Variants in WSB1 observed in about 807,000 individuals in gnomAD.
The protein encoded by WSB1 is WD repeat and SOCS box containing 1, also known as WD repeat and SOCS box-containing protein 1.
A neutral mutation model predicts 50.2 loss-of-function variants in WSB1; 23 were observed. The observed-to-expected ratio is 0.46, with a 90% CI of 0.33 to 0.65. WSB1 has a LOEUF of 0.65. Ranked by LOEUF, WSB1 falls within the 30% of genes least tolerant of loss-of-function variation. The probability of loss-of-function intolerance (pLI) is 0.02; values close to 1 mark genes in which losing one functional copy is unlikely to be tolerated. For missense variants in WSB1, 492 were observed against 522.3 expected (o/e 0.94, Z 0.56); for synonymous variants, 179 against 172.0 (o/e 1.04, Z -0.32).
intron 1 of WSB1, 142 bp downstream of exon 1, chr17:27,294,577 G>T: frequency 8.2e-7 from 1 of 1,215,824 alleles, no homozygotes. Flanking sequence ...GGAGGAGGAA[G>T]CCGCCTCGGT....
At position 27,306,200 on chromosome 17, in the gene WSB1, G is replaced by C. The variant is rs983278214; in HGVS notation, c.611-582G>C. Among the ~76,000 whole-genome samples the C allele has an allele frequency of 2.9e-3, 285 of 98,184 alleles. 2 individuals are homozygous for C. The highest frequency in any genetic ancestry group is 0.011 in the African/African-American group (274 of 25,970). The allele number at this position is 98,184 out of a possible 152,430, so 64.4% of individuals were successfully genotyped here. ...AAGGGGATTGGACTAAAAGAATTCT[G>C]TCTTTTTTTTTTTTTTTTTTTTTTT... On this transcript the variant is annotated intron_variant, in intron 4 of 8. Transcript: ENST00000262394.
At chr17:27,308,311 G>T in intron 5 of WSB1, 3 of 985,746 alleles carry the variant, frequency 3.0e-6, no homozygotes, top group Non-Finnish European at 3.6e-6. Flanking sequence ...GTAAACATTA[G>T]AATCCTGTTT....
At chr17:27,306,690 ATGTT>A in intron 4 of WSB1, 88 bp from the exon 5 acceptor site, 1 of 1,268,128 alleles carries the variant, frequency 7.9e-7, no homozygotes, top group Non-Finnish European at 1.1e-6. Flanking sequence ...TCAGCTATAA[ATGTT>A]TGTGATCCTT....
In WSB1 at chr17:27,307,704, CTG is replaced by C. The variant is rs1207124932; in HGVS notation, c.711+828_711+829del. ...TAGATGTTGACATTGCTATTTTAGG[CTG>C]TGTGTTTTCCATATGCTTCTTGCTT... On this transcript the variant is annotated intron_variant, in intron 5 of 8. Transcript: ENST00000262394. 3.9e-6 allele frequency: 6 copies of C among 1,527,792 alleles called. No homozygotes were observed. In the Admixed American group the frequency reaches 1.0e-4, roughly 26 times the overall value. The allele number at this position is 1,527,792 out of a possible 1,614,324, so 94.6% of individuals were successfully genotyped here. A position where few individuals can be genotyped will look rare whatever the true frequency, so the allele number is the denominator to read the frequency against.
At chr17:27,296,123 C>T (rs549035245) in intron 1 of WSB1, among the ~76,000 whole-genome samples, 107 of 152,202 alleles carry the variant, frequency 7.0e-4, no homozygotes, top group African/African-American at 2.6e-3. Flanking sequence ...GTGAGCCACC[C>T]CGCCCAGATT....
chr17:27,300,478 A>G (rs1382354625), intron 1 of WSB1, among the ~76,000 whole-genome samples: 1 of 152,176 alleles, frequency 6.6e-6, no homozygotes, highest in Non-Finnish European at 1.5e-5. Flanking sequence ...CTTTTTGTTA[A>G]ATATGGAAGT....
At chr17:27,296,522 G>A (rs900857773) in intron 1 of WSB1, among the ~76,000 whole-genome samples, 1 of 152,190 alleles carries the variant, frequency 6.6e-6, no homozygotes, top group African/African-American at 2.4e-5. Context: ...AGGACATACG[G>A]AGAGTAGAGG....
rs1016777002 is a variant in WSB1 at position 27,315,464 on chromosome 17, A to C, written c.*3095A>C. On this transcript the variant is annotated 3_prime_UTR_variant, in exon 9 of 9. Transcript: ENST00000262394. ...TTCCTGCCTGCTGTGACTGTGATGC[A>C]GTTGGATTCAACTGGTTTACACTGC... The C allele has an allele frequency of 6.6e-6, 1 of 152,258 alleles. No homozygotes were observed. Among genetic ancestry groups the C allele is most frequent in the Admixed American group, 6.5e-5 (1 of 15,290 alleles). The allele number at this position is 152,258 out of a possible 1,614,324, so 9.4% of individuals were successfully genotyped here. A position where few individuals can be genotyped will look rare whatever the true frequency, so the allele number is the denominator to read the frequency against.
At chr17:27,311,015 T>G (rs959788239) in intron 7 of WSB1, among the ~76,000 whole-genome samples, 3 of 152,110 alleles carry the variant, frequency 2.0e-5, no homozygotes, top group African/African-American at 7.2e-5. Context: ...CTGGCTAGTT[T>G]TTTTAAAAAA....
chr17:27,299,362 T>C (rs1340436930), intron 1 of WSB1, among the ~76,000 whole-genome samples: 4 of 152,076 alleles, frequency 2.6e-5, no homozygotes, highest in African/African-American at 7.2e-5. Context: ...AATAAAAACA[T>C]TAACCGGGTG....
At chr17:27,296,912 G>C (rs1455959240) in intron 1 of WSB1, among the ~76,000 whole-genome samples, 1 of 152,116 alleles carries the variant, frequency 6.6e-6, no homozygotes, top group South Asian at 2.1e-4. Flanking sequence ...AATTGTACCA[G>C]TATTTAATCT....
chr17:27,307,561 G>C (rs553133541), intron 5 of WSB1: 7 of 594,192 alleles, frequency 1.2e-5, no homozygotes, highest in African/African-American at 1.1e-4. Context: ...AGGGTGGGAG[G>C]CTAGTTGAAA....
chr17:27,297,775 AT>A (rs748127724), intron 1 of WSB1, among the ~76,000 whole-genome samples: 3 of 152,070 alleles, frequency 2.0e-5, no homozygotes, highest in Non-Finnish European at 1.5e-5. Context: ...GAGTTCCATG[AT>A]TGTGGTCAAG....
chr17:27,299,338 C>T (rs2017124650), intron 1 of WSB1, among the ~76,000 whole-genome samples: 1 of 152,032 alleles, frequency 6.6e-6, no homozygotes, highest in Non-Finnish European at 1.5e-5. Context: ...AAAAGGAACA[C>T]CTACCTTTAC....
intron 1 of WSB1, among the ~76,000 whole-genome samples, chr17:27,296,016 T>G (rs2150825500): frequency 6.6e-6 from 1 of 152,272 alleles, no homozygotes; most frequent in Non-Finnish European, 1.5e-5. Context: ...GTGTTTTTAG[T>G]AGAGATGGGG....
chr17:27,294,230 G>A lies in WSB1; in HGVS notation c.-166G>A. The A allele has an allele frequency of 3.5e-6, 3 of 865,780 alleles. No individual in the cohort carries two copies. The highest frequency in any genetic ancestry group is 5.3e-6 in the Non-Finnish European group (3 of 563,804). 53.6% of individuals were successfully genotyped at this position (865,780 alleles called of 1,614,324 possible). A position where few individuals can be genotyped will look rare whatever the true frequency, so the allele number is the denominator to read the frequency against. On this transcript the variant is annotated 5_prime_UTR_variant, in exon 1 of 9. Coordinates refer to ENST00000262394, the MANE Select transcript of WSB1 (RefSeq NM_015626.10). ...GTACTTTGGTCTGAGGCCTTCGGGA[G>A]CTTTCCCGAGGCAGTTAGCAGAAGC...
At chr17:27,307,965 C>CT in intron 5 of WSB1, 1 of 1,250,974 alleles carries the variant, frequency 8.0e-7, no homozygotes, top group Admixed American at 4.0e-5. Context: ...TTCTTTTTTT[C>CT]TTTTTTAAAG....
chr17:27,301,897 T>G lies in WSB1; in HGVS notation c.150T>G (p.Ala50=), dbSNP rs1430267514. 3 of 1,613,642 alleles carry G rather than the reference T, an allele frequency of 1.9e-6. No homozygotes were observed. The highest frequency in any genetic ancestry group is 2.5e-6 in the Non-Finnish European group (3 of 1,179,796). Residue 50 remains alanine (A), a synonymous_variant, in exon 2 of 9, where the codon GCT becomes GCG. Transcript: ENST00000262394. ...TTGCTCCAGATGGTTCATACTTTGC[T>G]TGGTCACAAGGACATCGCACAGTAA... ...VAFAPDGSYF[A]WSQGHRTVKL...
chr17:27,297,563 G>A (rs2017031718), intron 1 of WSB1, among the ~76,000 whole-genome samples: 1 of 151,864 alleles, frequency 6.6e-6, no homozygotes, highest in South Asian at 2.1e-4. Context: ...TGCCTCCTGG[G>A]CTCAAGCAAT....
Sources: gnomAD v4.1 joint callset for allele counts (sites outside exome capture counted in the v4.1 genomes callset) on GRCh38, gnomAD v4.1.1 for gene constraint, MANE v1.5 for transcripts, NCBI Gene and HGNC (gene_info 2026-07-23, HGNC 2026-07-21) for gene names.